FAF1: variants seen among roughly 807,000 people sequenced by gnomAD.
The protein encoded by FAF1 is FAS-associated factor 1.
A neutral mutation model predicts 92.5 loss-of-function variants in FAF1; 25 were observed. The observed-to-expected ratio is 0.27, with a 90% CI of 0.20 to 0.38. The LOEUF (loss-of-function observed/expected upper bound fraction) is 0.38. Among genes scored for constraint, FAF1 ranks in the 10% least tolerant of loss-of-function variants. The pLI is 1.00. For synonymous variants in FAF1, 234 were observed against 273.2 expected, an observed-to-expected ratio of 0.86 and a Z score of 1.42; for missense variants, 636 against 793.3, an observed-to-expected ratio of 0.80 and a Z score of 2.38.
At chr1:50,829,156 A>C (rs1398836843) in intron 2 of FAF1, among the ~76,000 whole-genome samples, 1 of 152,124 alleles carries the variant, frequency 6.6e-6, no homozygotes, top group African/African-American at 2.4e-5. Context: ...GAACTCTCAA[A>C]CTCTGCCAGT....
chr1:50,641,201 A>AT (rs919850994), intron 8 of FAF1, among the ~76,000 whole-genome samples: 11 of 151,716 alleles, frequency 7.3e-5, no homozygotes, highest in African/African-American at 2.4e-4. Context: ...TATTTCATTG[A>AT]TTTTTTCTTA....
At chr1:50,658,991 C>T (rs2124305371) in intron 7 of FAF1, among the ~76,000 whole-genome samples, 1 of 151,970 alleles carries the variant, frequency 6.6e-6, no homozygotes, top group Admixed American at 6.6e-5. Context: ...TAATAGATTA[C>T]AATTCCATTT....
At chr1:50,486,418 C>CA (rs1401122388) in intron 17 of FAF1, among the ~76,000 whole-genome samples, 2 of 152,162 alleles carry the variant, frequency 1.3e-5, no homozygotes, top group African/African-American at 4.8e-5. Context: ...ACTACTCTTG[C>CA]ACTTCCCTTT....
At position 50,441,125 on chromosome 1, in the gene FAF1, G is replaced by A; in HGVS notation, c.*315C>T. 4.1e-6 allele frequency: 1 copy of A among 242,738 alleles called. No individual in the cohort carries two copies. Among genetic ancestry groups the A allele is most frequent in the South Asian group, 1.4e-4 (1 of 7,190 alleles). The allele number at this position is 242,738 out of a possible 1,614,324, so 15.0% of individuals were successfully genotyped here. On this transcript the variant is annotated 3_prime_UTR_variant, in exon 19 of 19. Transcript: ENST00000396153. ...CACTGTGGGGAAAAGATGGGCACTG[G>A]AGAGGTAAAAATTCTATTTAGTGAT...
rs376103629 is a variant in FAF1 at position 50,758,331 on chromosome 1, G to C, written c.368-13556C>G. Among the ~76,000 whole-genome samples, 26 of 152,274 alleles carry C rather than the reference G, an allele frequency of 1.7e-4. No homozygotes were observed. In the East Asian group the frequency reaches 1.7e-3, roughly 10 times the overall value. On this transcript the variant is annotated intron_variant, in intron 4 of 18. Coordinates refer to ENST00000396153, the MANE Select transcript of FAF1 (RefSeq NM_007051.3). ...GGCCTCCCAAAATGCTGGGATTAAA[G>C]GCATAAGCCACCACGCCCAGCACAA...
intron 17 of FAF1, among the ~76,000 whole-genome samples, chr1:50,483,644 CAA>C (rs1646727135): frequency 6.6e-6 from 1 of 152,066 alleles, no homozygotes; most frequent in African/African-American, 2.4e-5. Context: ...ATAGGAAAGG[CAA>C]AAATGGAGAT....
intron 13 of FAF1, among the ~76,000 whole-genome samples, chr1:50,565,023 A>G (rs1252051831): frequency 1.3e-5 from 2 of 151,962 alleles, no homozygotes; most frequent in Non-Finnish European, 2.9e-5. Flanking sequence ...TGGAGGGTAC[A>G]TGTGAAGGTT....
chr1:50,565,990 A>T (rs930985572), intron 13 of FAF1, among the ~76,000 whole-genome samples: 3 of 152,198 alleles, frequency 2.0e-5, no homozygotes, highest in African/African-American at 7.2e-5. Flanking sequence ...TGTGAATAAT[A>T]ACCTGATTTA....
chr1:50,519,409 A>G (rs1572803147), intron 15 of FAF1, among the ~76,000 whole-genome samples: 1 of 113,506 alleles, frequency 8.8e-6, no homozygotes, highest in Non-Finnish European at 1.8e-5. Context: ...GGAGGGAGGG[A>G]GGGAGAGAAG....
chr1:50,608,272 T>C (rs1159025632), intron 8 of FAF1, among the ~76,000 whole-genome samples: 5 of 152,250 alleles, frequency 3.3e-5, no homozygotes, highest in African/African-American at 1.2e-4. Flanking sequence ...ACATGTCTTA[T>C]GGAAAGCTGC....
chr1:50,516,345 G>A (rs182237534), intron 15 of FAF1, among the ~76,000 whole-genome samples: 36 of 152,018 alleles, frequency 2.4e-4, no homozygotes, highest in Admixed American at 7.9e-4. Flanking sequence ...ATATCCCTCC[G>A]TTTTGAACCA....
At chr1:50,813,453 C>T (rs1643936197) in intron 2 of FAF1, among the ~76,000 whole-genome samples, 2 of 151,964 alleles carry the variant, frequency 1.3e-5, no homozygotes, top group South Asian at 2.1e-4. Context: ...CTATTTTATG[C>T]TTTCCTTTTA....
chr1:50,478,998 C>T (rs1320611222), intron 17 of FAF1, among the ~76,000 whole-genome samples: 1 of 152,212 alleles, frequency 6.6e-6, no homozygotes, highest in Non-Finnish European at 1.5e-5. Context: ...ATACCCTTTC[C>T]TGGGAACTAC....
Position 50,738,899 on chromosome 1 carries a change from G to T in FAF1, c.515C>A (p.Pro172Gln), listed in dbSNP as rs1383695081. 6.2e-7 allele frequency: 1 copy of T among 1,609,954 alleles called. No individual in the cohort carries two copies. Among genetic ancestry groups the T allele is most frequent in the Non-Finnish European group, 8.5e-7 (1 of 1,177,612 alleles). Reference sequence around the variant, plus strand: ...AGATGATGAAGGTGGTGGCAAATCTGGTGTAAGGACATAAAGACTGTTGTT... The same window carrying T: ...AGATGATGAAGGTGGTGGCAAATCTTGTGTAAGGACATAAAGACTGTTGTT... ...PKNNSLYVLT[P>Q]DLPPPSSSSH... Residue 172 changes from proline (P) to glutamine (Q), a missense_variant, in exon 6 of 19, where the codon CCA (proline) becomes CAA (glutamine). Coordinates refer to ENST00000396153, the MANE Select transcript of FAF1 (RefSeq NM_007051.3).
At chr1:50,695,015 G>A (rs563318319) in intron 7 of FAF1, among the ~76,000 whole-genome samples, 27 of 152,156 alleles carry the variant, frequency 1.8e-4, no homozygotes, top group African/African-American at 6.3e-4. Context: ...CAGCAAAATA[G>A]AAGGAAAGAG....
intron 4 of FAF1, among the ~76,000 whole-genome samples, chr1:50,755,479 G>C (rs1660040173): frequency 6.6e-6 from 1 of 152,164 alleles, no homozygotes; most frequent in Non-Finnish European, 1.5e-5. Context: ...TGCTTTCAAG[G>C]GCTGGCACTG....
intron 6 of FAF1, among the ~76,000 whole-genome samples, chr1:50,720,468 G>T (rs967288844): frequency 6.6e-6 from 1 of 152,142 alleles, no homozygotes; most frequent in African/African-American, 2.4e-5. Context: ...ATCATGCATT[G>T]TTCTAATTAC....
At chr1:50,469,385 G>A (rs2148995184) in intron 18 of FAF1, 2 of 152,316 alleles carry the variant, frequency 1.3e-5, no homozygotes, top group Middle Eastern at 3.4e-3. Flanking sequence ...AGAGGAGTGG[G>A]ATAATTCTGT....
intron 15 of FAF1, among the ~76,000 whole-genome samples, chr1:50,527,860 C>CTCTCT (rs1647910568): frequency 9.8e-5 from 6 of 61,098 alleles, no homozygotes; most frequent in Admixed American, 1.6e-4. Flanking sequence ...TCCCTCTCTC[C>CTCTCT]CTCTCTCCCT....
Sources: gnomAD v4.1 joint callset for allele counts (sites outside exome capture counted in the v4.1 genomes callset) on GRCh38, gnomAD v4.1.1 for gene constraint, MANE v1.5 for transcripts, NCBI Gene and HGNC (gene_info 2026-07-23, HGNC 2026-07-21) for gene names.